GPATCH2: variants seen among roughly 807,000 people sequenced by gnomAD.
GPATCH2 encodes G-patch domain containing 2.
In GPATCH2, 51 loss-of-function variants were observed where a neutral mutation model predicts 58.0. The observed-to-expected ratio is 0.88, with a 90% CI of 0.70 to 1.11. GPATCH2 has a LOEUF of 1.11. Among genes scored for constraint, GPATCH2 ranks in the 50% most tolerant of loss-of-function variants. GPATCH2 has a pLI of 0.00. For missense variants in GPATCH2, 625 were observed against 652.2 expected (o/e 0.96, Z 0.45); for synonymous variants, 222 against 218.5 (o/e 1.02, Z -0.14).
intron 6 of GPATCH2, among the ~76,000 whole-genome samples, chr1:217,512,646 G>C (rs1662911364): frequency 6.6e-6 from 1 of 152,208 alleles, no homozygotes; most frequent in Admixed American, 6.5e-5. Flanking sequence ...GAGGCCAGCA[G>C]CATTTGCTGG....
chr1:217,600,904 C>T (rs962926985), intron 5 of GPATCH2, among the ~76,000 whole-genome samples: 18 of 152,110 alleles, frequency 1.2e-4, no homozygotes, highest in African/African-American at 4.3e-4. Flanking sequence ...CTTACATTTG[C>T]AAATTCAATG....
intron 1 of GPATCH2, among the ~76,000 whole-genome samples, chr1:217,625,169 G>A (rs1342619887): frequency 6.6e-6 from 1 of 152,128 alleles, no homozygotes; most frequent in Non-Finnish European, 1.5e-5. Flanking sequence ...GTAAATGAGT[G>A]AACTATTATC....
intron 2 of GPATCH2, among the ~76,000 whole-genome samples, chr1:217,617,988 C>T (rs968415399): frequency 6.6e-6 from 1 of 151,952 alleles, no homozygotes; most frequent in Non-Finnish European, 1.5e-5. Flanking sequence ...GGAGCTTGCA[C>T]AATGAATCCA....
intron 5 of GPATCH2, among the ~76,000 whole-genome samples, chr1:217,530,174 T>C (rs570515068): frequency 1.3e-5 from 2 of 152,258 alleles, no homozygotes; most frequent in Admixed American, 6.5e-5. Context: ...AAACTGAAAT[T>C]TGTGGATTTC....
At chr1:217,511,925 G>A (rs554896652) in intron 6 of GPATCH2, among the ~76,000 whole-genome samples, 1 of 152,058 alleles carries the variant, frequency 6.6e-6, no homozygotes, top group African/African-American at 2.4e-5. Context: ...GCTTCTCCTT[G>A]TCAAGAGTGG....
Position 217,620,047 on chromosome 1 carries a change from T to C in GPATCH2, c.509A>G (p.Asp170Gly), listed in dbSNP as rs772742580. Residue 170 changes from aspartate to glycine, a missense_variant, in exon 2 of 10, where the codon GAT becomes GGT. Transcript: ENST00000366935. ...TTTGTTAGAGATGTCCTGTGGGAGA[T>C]CTACTGCCATGCGTTTTACCTTTCT... ...RRRKVKRMAV[D>G]LPQDISNKRT... 2.5e-6 allele frequency: 4 copies of C among 1,613,998 alleles called. No homozygotes were observed. Among genetic ancestry groups the C allele is most frequent in the Admixed American group, 1.7e-5 (1 of 60,014 alleles).
rs372690623 is a variant in GPATCH2, at chr1:217,439,537, G to C, written c.1367-8172C>G. 2.0e-4 allele frequency among the ~76,000 whole-genome samples: 30 copies of C among 152,092 alleles called. No homozygotes were observed. The South Asian group carries it at 5.8e-3, about 29-fold the overall frequency. On this transcript the variant is annotated intron_variant, in intron 9 of 9. Transcript: ENST00000366935. Reference sequence around the variant, plus strand: ...AAGATTACAGCAGAACTGAAGGAGAGAGAGATACGAAAAACCCTTCAAAAA... The same window carrying C: ...AAGATTACAGCAGAACTGAAGGAGACAGAGATACGAAAAACCCTTCAAAAA...
intron 9 of GPATCH2, among the ~76,000 whole-genome samples, chr1:217,441,326 C>A (rs1267315712): frequency 6.8e-6 from 1 of 147,956 alleles, no homozygotes; most frequent in African/African-American, 2.6e-5. Flanking sequence ...AAACTGGACC[C>A]CTTCCTTACA....
At chr1:217,539,175 A>G (rs980025985) in intron 5 of GPATCH2, among the ~76,000 whole-genome samples, 18 of 152,138 alleles carry the variant, frequency 1.2e-4, no homozygotes, top group African/African-American at 4.3e-4. Context: ...TAAAACATTG[A>G]CAAGTATGAG....
intron 8 of GPATCH2, among the ~76,000 whole-genome samples, chr1:217,457,791 T>C (rs1160072926): frequency 1.3e-5 from 2 of 152,176 alleles, no homozygotes; most frequent in Non-Finnish European, 2.9e-5. Context: ...TGTCATAACA[T>C]ACAAGAATGA....
At chr1:217,596,020 CT>C (rs1667810640) in intron 5 of GPATCH2, among the ~76,000 whole-genome samples, 1 of 151,810 alleles carries the variant, frequency 6.6e-6, no homozygotes, top group Admixed American at 6.6e-5. Context: ...CAGTAAGGAC[CT>C]TTTAACATAA....
rs1658424854 is a variant in GPATCH2 at position 217,429,221 on chromosome 1, T to G, written c.*1924A>C. On this transcript the variant is annotated 3_prime_UTR_variant, in exon 10 of 10. Transcript: ENST00000366935. Reference sequence around the variant, plus strand: ...ATAGACAGAATGAGCATTTAGAAAATATCAGTTAAAAAAATGGCAAATTTG... The same window carrying G: ...ATAGACAGAATGAGCATTTAGAAAAGATCAGTTAAAAAAATGGCAAATTTG... 1 of 151,908 alleles carries G rather than the reference T, an allele frequency of 6.6e-6. No homozygotes were observed. The highest frequency in any genetic ancestry group is 2.1e-4 in the South Asian group (1 of 4,812). The allele number at this position is 151,908 out of a possible 1,614,324, so 9.4% of individuals were successfully genotyped here.
intron 8 of GPATCH2, among the ~76,000 whole-genome samples, chr1:217,474,363 G>T (rs780255711): frequency 9.2e-5 from 14 of 152,164 alleles, no homozygotes; most frequent in Non-Finnish European, 1.5e-4. Flanking sequence ...ATATAGAAAG[G>T]TCAAAGAGTT....
intron 8 of GPATCH2, among the ~76,000 whole-genome samples, chr1:217,480,516 A>G (rs1169420612): frequency 2.6e-5 from 4 of 152,192 alleles, no homozygotes; most frequent in Non-Finnish European, 5.9e-5. Flanking sequence ...ATGTGGAGAA[A>G]AGGGAACCCT....
At chr1:217,614,247 T>G in intron 2 of GPATCH2, 45 bp from the exon 3 acceptor site, 1 of 1,127,042 alleles carries the variant, frequency 8.9e-7, no homozygotes, top group Non-Finnish European at 1.3e-6. Context: ...GAACAATTGA[T>G]CTCTCAGTCG....
intron 8 of GPATCH2, among the ~76,000 whole-genome samples, chr1:217,478,760 G>T (rs1281094091): frequency 6.6e-6 from 1 of 152,112 alleles, no homozygotes; most frequent in Non-Finnish European, 1.5e-5. Flanking sequence ...ATATCAATAT[G>T]TAAGTCCAAG....
intron 9 of GPATCH2, among the ~76,000 whole-genome samples, chr1:217,439,401 C>T (rs998115459): frequency 3.3e-5 from 5 of 152,112 alleles, no homozygotes; most frequent in African/African-American, 4.8e-5. Flanking sequence ...ACTAAATGCC[C>T]AAAGGAGAAA....
intron 5 of GPATCH2, among the ~76,000 whole-genome samples, chr1:217,539,746 C>A (rs2102641500): frequency 6.6e-6 from 1 of 152,246 alleles, no homozygotes; most frequent in Admixed American, 6.5e-5. Flanking sequence ...CAATAAAAAT[C>A]TTAACGATCA....
chr1:217,620,254 T>G lies in GPATCH2; in HGVS notation c.302A>C (p.Lys101Thr). The change falls in exon 2 of 10, where the codon AAG becomes ACG. Residue 101 changes from lysine (K) to threonine (T), a missense_variant. Coordinates refer to ENST00000366935, the MANE Select transcript of GPATCH2 (RefSeq NM_018040.5). ...ATTATTGTGATTCTCTCTATAGTCC[T>G]TGCTTGGTTCTTCTAAACTAGAATC... Reference protein sequence around the residue: ...GSDSSLEEPSKDYRENHNNNK... With the variant: ...GSDSSLEEPSTDYRENHNNNK... The G allele has an allele frequency of 6.2e-7, 1 of 1,613,922 alleles. No homozygotes were observed.
Sources: gnomAD v4.1 joint callset for allele counts (sites outside exome capture counted in the v4.1 genomes callset) on GRCh38, gnomAD v4.1.1 for gene constraint, MANE v1.5 for transcripts, NCBI Gene and HGNC (gene_info 2026-07-23, HGNC 2026-07-21) for gene names.